The following WWOX variants were observed in gnomAD, a reference collection of about 807,000 sequenced individuals.
WWOX encodes the protein WW domain-containing oxidoreductase.
A neutral mutation model predicts 46.2 loss-of-function variants in WWOX; 69 were observed. The ratio of observed to expected loss-of-function variants is 1.49; its 90% CI spans 1.23 to 1.82. WWOX has a LOEUF of 1.82. Among genes scored for constraint, WWOX ranks in the 40% most tolerant of loss-of-function variants. WWOX has a pLI of 0.00. For missense variants in WWOX, 919 were observed against 542.6 expected, an observed-to-expected ratio of 1.69 and a Z score of -6.89; for synonymous variants, 359 against 202.6, an observed-to-expected ratio of 1.77 and a Z score of -6.56.
At chr16:79,013,859 G>A (rs1002965524) in intron 8 of WWOX, among the ~76,000 whole-genome samples, 2 of 152,100 alleles carry the variant, frequency 1.3e-5, no homozygotes, top group Non-Finnish European at 2.9e-5. Flanking sequence ...TCGCTCTGCC[G>A]CCCTCCCAGG....
At chr16:78,728,004 A>ATT (rs2048875939) in intron 8 of WWOX, among the ~76,000 whole-genome samples, 1 of 148,422 alleles carries the variant, frequency 6.7e-6, no homozygotes, top group African/African-American at 2.5e-5. Context: ...TAAGAAACCT[A>ATT]TTACAAGTGA....
rs369801486 is a variant in WWOX at position 78,914,630 on chromosome 16, A to C, written c.1057-296978A>C. ...AGCAGCGGCTCACACCTGTAATCCC[A>C]GCACTTTGGGAGGCGGAGGCGGGCA... On this transcript the variant is annotated intron_variant, in intron 8 of 8. Transcript: ENST00000566780. 2.6e-5 allele frequency among the ~76,000 whole-genome samples: 4 copies of C among 151,954 alleles called. No individual in the cohort carries two copies. In the East Asian group the frequency reaches 5.8e-4, roughly 22 times the overall value.
At chr16:79,210,016 C>A (rs1252909364) in intron 8 of WWOX, among the ~76,000 whole-genome samples, 2 of 152,178 alleles carry the variant, frequency 1.3e-5, no homozygotes, top group Non-Finnish European at 2.9e-5. Flanking sequence ...AGGTAACAAA[C>A]CAGCTACTAT....
At chr16:78,376,545 G>A (rs2081830829) in intron 5 of WWOX, among the ~76,000 whole-genome samples, 1 of 152,134 alleles carries the variant, frequency 6.6e-6, no homozygotes, top group South Asian at 2.1e-4. Flanking sequence ...AATAGCTGAT[G>A]ACCACTTGGG....
chr16:78,861,517 A>G (rs2043885172), intron 8 of WWOX, among the ~76,000 whole-genome samples: 1 of 152,186 alleles, frequency 6.6e-6, no homozygotes, highest in Non-Finnish European at 1.5e-5. Context: ...AAAATTTACC[A>G]AAGTAAATGC....
chr16:79,119,492 C>T (rs564876830), intron 8 of WWOX, among the ~76,000 whole-genome samples: 1 of 152,300 alleles, frequency 6.6e-6, no homozygotes, highest in East Asian at 1.9e-4. Context: ...TTTGTAGGTG[C>T]TTTATAAATA....
chr16:78,713,315 C>A (rs992986169), intron 8 of WWOX, among the ~76,000 whole-genome samples: 2 of 149,988 alleles, frequency 1.3e-5, no homozygotes, highest in Non-Finnish European at 3.0e-5. Flanking sequence ...AGTAGCACAC[C>A]CCAAAACTTC....
chr16:78,381,852 C>T (rs769311091), intron 5 of WWOX, among the ~76,000 whole-genome samples: 15 of 151,882 alleles, frequency 9.9e-5, no homozygotes, highest in South Asian at 4.2e-4. Context: ...GTTTATTTTA[C>T]GGTGGTGGGA....
chr16:78,600,490 C>G (rs759486337), intron 8 of WWOX, among the ~76,000 whole-genome samples: 1 of 152,138 alleles, frequency 6.6e-6, no homozygotes, highest in African/African-American at 2.4e-5. Context: ...CCCCAACCCT[C>G]CGTGGGTTAA....
intron 8 of WWOX, among the ~76,000 whole-genome samples, chr16:78,627,368 AC>A (rs1454215139): frequency 2.0e-5 from 3 of 152,086 alleles, no homozygotes; most frequent in African/African-American, 7.2e-5. Flanking sequence ...TTTTGGCTTA[AC>A]CCCAAACTTG....
chr16:78,920,737 T>C (rs1485831451), intron 8 of WWOX, among the ~76,000 whole-genome samples: 1 of 152,158 alleles, frequency 6.6e-6, no homozygotes, highest in Non-Finnish European at 1.5e-5. Flanking sequence ...CTTTTTATTA[T>C]CAGCACCATT....
intron 8 of WWOX, among the ~76,000 whole-genome samples, chr16:79,199,086 G>A (rs1233882193): frequency 6.6e-6 from 1 of 152,036 alleles, no homozygotes; most frequent in African/African-American, 2.4e-5. Flanking sequence ...TTTTCAAGAT[G>A]GAGTCTCATT....
chr16:78,372,651 C>A (rs2081720197), intron 5 of WWOX, among the ~76,000 whole-genome samples: 1 of 152,212 alleles, frequency 6.6e-6, no homozygotes, highest in African/African-American at 2.4e-5. Context: ...AGCCCACTTC[C>A]TGCTGGTGCA....
In WWOX at chr16:78,299,232, A is replaced by T. The variant is rs951919991; in HGVS notation, c.517-87628A>T. Among the ~76,000 whole-genome samples the T allele has an allele frequency of 2.6e-5, 4 of 152,172 alleles. No individual in the cohort carries two copies. In the East Asian group the frequency reaches 7.7e-4, roughly 29 times the overall value. On this transcript the variant is annotated intron_variant, in intron 5 of 8. Coordinates refer to ENST00000566780, the MANE Select transcript of WWOX (RefSeq NM_016373.4). ...AGGCTATTACTCAGTGGGTGCCGTA[A>T]CATGTCTGTGTCACCTGGCACCTTT...
intron 8 of WWOX, among the ~76,000 whole-genome samples, chr16:78,647,208 C>A (rs777406086): frequency 6.6e-6 from 1 of 152,152 alleles, no homozygotes; most frequent in African/African-American, 2.4e-5. Context: ...TCACTTGCTA[C>A]TGTGAGATCT....
At position 78,802,202 on chromosome 16, in the gene WWOX, GTTTTTTTTTTT is replaced by G. The variant is rs60554747; in HGVS notation, c.1056+369462_1056+369472del. Among the ~76,000 whole-genome samples the G allele has an allele frequency of 9.3e-5, 9 of 96,782 alleles. No individual in the cohort carries two copies. In the East Asian group the frequency reaches 1.5e-3, roughly 16 times the overall value. The allele number at this position is 96,782 out of a possible 152,430, so 63.5% of individuals were successfully genotyped here. A position where few individuals can be genotyped will look rare whatever the true frequency, so the allele number is the denominator to read the frequency against. On this transcript the variant is annotated intron_variant, in intron 8 of 8. Coordinates refer to ENST00000566780, the MANE Select transcript of WWOX (RefSeq NM_016373.4). ...TTTGTTTTATATTTTGTTTGTTTAG[GTTTTTTTTTTT>G]TTTTTTTTTTTGGCTGGTGTTTACT...
At chr16:78,277,114 G>A (rs765726589) in intron 5 of WWOX, among the ~76,000 whole-genome samples, 6 of 152,184 alleles carry the variant, frequency 3.9e-5, no homozygotes, top group Admixed American at 1.3e-4. Context: ...AGAGGGCAAA[G>A]AGTTTGCTGT....
intron 8 of WWOX, among the ~76,000 whole-genome samples, chr16:78,983,335 T>G (rs1429914048): frequency 6.6e-6 from 1 of 152,218 alleles, no homozygotes; most frequent in Non-Finnish European, 1.5e-5. Context: ...GTATCTGGTC[T>G]CACGCTTCTT....
At chr16:78,781,761 C>G (rs370974707) in intron 8 of WWOX, among the ~76,000 whole-genome samples, 1 of 151,986 alleles carries the variant, frequency 6.6e-6, no homozygotes, top group African/African-American at 2.4e-5. Flanking sequence ...GGCAACAGAG[C>G]GAGGCTCCAT....
Sources: allele counts gnomAD v4.1 joint callset (sites outside exome capture counted in the v4.1 genomes callset), GRCh38; gene constraint gnomAD v4.1.1; transcripts MANE v1.5; gene names NCBI Gene and HGNC (gene_info 2026-07-23, HGNC 2026-07-21).